Variants in SPRTN observed in about 807,000 individuals in gnomAD.
SPRTN encodes DNA-dependent metalloprotease SPRTN.
SPRTN carries 11 observed loss-of-function variants against 31.9 expected under a neutral mutation model. That is an observed-to-expected ratio of 0.34 (90% CI 0.22 to 0.57). The LOEUF is 0.57. Among genes scored for constraint, SPRTN ranks in the 20% least tolerant of loss-of-function variants. The pLI is 0.86. For missense variants in SPRTN, 482 were observed against 590.1 expected, an observed-to-expected ratio of 0.82 and a Z score of 1.90; for synonymous variants, 185 against 212.1, an observed-to-expected ratio of 0.87 and a Z score of 1.11.
Position 231,351,312 on chromosome 1 carries a change from T to C in SPRTN, c.459T>C (p.His153=), listed in dbSNP as rs371868053. 59 of 1,595,730 alleles carry C rather than the reference T, an allele frequency of 3.7e-5. No homozygotes were observed. The highest frequency in any genetic ancestry group is 5.0e-5 in the Non-Finnish European group (58 of 1,168,946). The change falls in exon 4 of 5, where the codon CAT becomes CAC. Residue 153 remains histidine (H), a synonymous_variant. Coordinates refer to ENST00000295050, the MANE Select transcript of SPRTN (RefSeq NM_032018.7). ...ATTCTGTCTCCACTCAGGTATACCA[T>C]ACTTTTCACGATGAGGTGGATGAGT... ...SLTGANITVY[H]TFHDEVDEYR... is the part of the protein sequence containing the mutation.
intron 2 of SPRTN, among the ~76,000 whole-genome samples, chr1:231,341,430 C>T (rs771604284): frequency 1.3e-5 from 2 of 151,700 alleles, no homozygotes; most frequent in Non-Finnish European, 2.9e-5. Context: ...GTGAGCATTT[C>T]CTTAGAACTT....
At chr1:231,349,251 T>C (rs1687151283) in intron 3 of SPRTN, among the ~76,000 whole-genome samples, 1 of 152,190 alleles carries the variant, frequency 6.6e-6, no homozygotes, top group East Asian at 1.9e-4. Flanking sequence ...GTGGTGGGAT[T>C]ATAGACATGA....
Position 231,347,800 on chromosome 1 carries a change from C to T in SPRTN, c.325C>T (p.Leu109Phe), listed in dbSNP as rs1687105925. Residue 109 changes from leucine (L) to phenylalanine (F), a missense_variant, in exon 3 of 5, where the codon CTC becomes TTC. Leu to Phe is a conservative substitution (Grantham distance 22). Around this residue, in one of 2 missense-constraint regions of SPRTN, gnomAD observed 157 missense variants for 239.9 expected, o/e 0.65. Coordinates refer to ENST00000295050, the MANE Select transcript of SPRTN (RefSeq NM_032018.7). ...ATTTGAATATTTTATGTTCCAGACC[C>T]TCCTGCATGAAATGATACATGCCTA... Reference protein sequence around the residue: ...LRPRKDLVETLLHEMIHAYLF... With the variant: ...LRPRKDLVETFLHEMIHAYLF... 1.2e-6 allele frequency: 2 copies of T among 1,610,042 alleles called. No individual in the cohort carries two copies. Among genetic ancestry groups the T allele is most frequent in the Non-Finnish European group, 1.7e-6 (2 of 1,179,058 alleles).
chr1:231,348,158 A>G (rs1054481530), intron 3 of SPRTN, among the ~76,000 whole-genome samples: 4 of 152,204 alleles, frequency 2.6e-5, no homozygotes, highest in Non-Finnish European at 5.9e-5. Context: ...TTTTACACAC[A>G]GGTAATTCAG....
chr1:231,352,937 C>G lies in SPRTN; in HGVS notation c.1046C>G (p.Ser349Cys). The G allele has an allele frequency of 6.2e-7, 1 of 1,614,138 alleles. No individual in the cohort carries two copies. The highest frequency in any genetic ancestry group is 8.5e-7 in the Non-Finnish European group (1 of 1,180,006). ...NQKAFRGVNG[S>C]PRISVTVGNI... ...AAGGCTTTCAGAGGTGTGAATGGAT[C>G]TCCAAGGATAAGTGTAACAGTTGGC... is the stretch of plus-strand genomic sequence containing the variant. Residue 349 changes from serine to cysteine, a missense_variant, in exon 5 of 5, where the codon TCT becomes TGT. Physicochemically the swap from Ser to Cys is moderately radical, Grantham distance 112. Transcript: ENST00000295050.
Position 231,338,420 on chromosome 1 carries a change from G to A in SPRTN, c.37G>A (p.Glu13Lys), listed in dbSNP as rs1368261797. The change falls in exon 1 of 5, where the codon GAG becomes AAG. Residue 13 changes from glutamate (E) to lysine (K), a missense_variant. Glu to Lys is a moderately conservative substitution (Grantham distance 56). Transcript: ENST00000295050. ...CTTGATGTTGGCACTGCGGCTTCAGGAGGAGTGGAACTTGCAGGAGGCGGA... is the reference window on the plus strand; with the variant it reads ...CTTGATGTTGGCACTGCGGCTTCAGAAGGAGTGGAACTTGCAGGAGGCGGA... ...DDLMLALRLQ[E>K]EWNLQEAERD... The A allele has an allele frequency of 6.2e-7, 1 of 1,614,288 alleles. No homozygotes were observed. Among genetic ancestry groups the A allele is most frequent in the African/African-American group, 1.3e-5 (1 of 75,084 alleles).
intron 3 of SPRTN, among the ~76,000 whole-genome samples, chr1:231,349,149 AT>A (rs34960006): frequency 8.9e-5 from 13 of 146,544 alleles, no homozygotes; most frequent in Middle Eastern, 3.5e-3. Flanking sequence ...TTAAAAAAAA[AT>A]TTTTTTTTTT....
At chr1:231,351,796 G>T in intron 4 of SPRTN, 10 of 1,161,056 alleles carry the variant, frequency 8.6e-6, no homozygotes, top group Non-Finnish European at 1.1e-5. Flanking sequence ...AGTTTCCATG[G>T]ATATTTTTAT....
At chr1:231,339,468 T>A in intron 1 of SPRTN, 1 of 604,958 alleles carries the variant, frequency 1.7e-6, no homozygotes, top group Non-Finnish European at 3.1e-6. Flanking sequence ...AGGTCCCCGT[T>A]GTACACCAGG....
intron 3 of SPRTN, among the ~76,000 whole-genome samples, chr1:231,351,074 C>T (rs1188144505): frequency 6.6e-6 from 1 of 151,860 alleles, no homozygotes; most frequent in Non-Finnish European, 1.5e-5. Context: ...GTGCATCTAT[C>T]TTTACACAGT....
Position 231,353,121 on chromosome 1 carries a change from G to GCTA in SPRTN, c.1231_1233dup (p.Leu411dup). 1 of 1,613,222 alleles carries GCTA rather than the reference G, an allele frequency of 6.2e-7. No homozygotes were observed. The highest frequency in any genetic ancestry group is 8.5e-7 in the Non-Finnish European group (1 of 1,179,750). On this transcript the variant is annotated inframe_insertion, in exon 5 of 5. Transcript: ENST00000295050. ...ATACATTCCCAAATAAACGACCTAGGCTAGAAGATAAGACTGTTTTTGACA... is the reference window on the plus strand; with the variant it reads ...ATACATTCCCAAATAAACGACCTAGGCTACTAGAAGATAAGACTGTTTTTGACA...
chr1:231,340,195 T>TA, intron 2 of SPRTN: 2 of 173,526 alleles, frequency 1.2e-5, no homozygotes, highest in Non-Finnish European at 2.4e-5. Flanking sequence ...ACCCCGTCTC[T>TA]ACAAAAAAAA....
At chr1:231,351,205 T>TAAAAAAAAAA (rs35814914) in intron 3 of SPRTN, 99 bp from the exon 4 acceptor site, 4 of 858,234 alleles carry the variant, frequency 4.7e-6, no homozygotes, top group African/African-American at 2.3e-5. Flanking sequence ...TTTCAAAAAT[T>TAAAAAAAAAA]AAAAAAAAAA....
At chr1:231,338,742 A>C in intron 1 of SPRTN, 138 bp downstream of exon 1, 1 of 917,492 alleles carries the variant, frequency 1.1e-6, no homozygotes, top group Non-Finnish European at 1.6e-6. Context: ...TGGACCTGGC[A>C]ATTCCTGCCT....
chr1:231,342,053 C>T (rs1686911249), intron 2 of SPRTN, among the ~76,000 whole-genome samples: 1 of 152,084 alleles, frequency 6.6e-6, no homozygotes, highest in African/African-American at 2.4e-5. Context: ...GCTGGGATTA[C>T]AGGTGTCAGC....
intron 4 of SPRTN, chr1:231,352,362 T>C (rs1356041534): frequency 8.5e-7 from 1 of 1,174,494 alleles, no homozygotes; most frequent in Non-Finnish European, 1.1e-6. Context: ...TTGTTGTTGG[T>C]CTTTGGCATG....
At chr1:231,339,915 C>G in intron 2 of SPRTN, 47 bp downstream of exon 2, 1 of 1,551,486 alleles carries the variant, frequency 6.4e-7, no homozygotes, top group South Asian at 1.1e-5. Context: ...TTTACAAATA[C>G]TTGTCAATGA....
At chr1:231,339,914 A>G (rs1442923145) in intron 2 of SPRTN, 46 bp downstream of exon 2, 3 of 1,563,906 alleles carry the variant, frequency 1.9e-6, no homozygotes, top group Non-Finnish European at 2.6e-6. Flanking sequence ...ATTTACAAAT[A>G]CTTGTCAATG....
In SPRTN at chr1:231,349,838, T is replaced by G. The variant is rs559809281; in HGVS notation, c.451-1466T>G. 1.0e-3 allele frequency among the ~76,000 whole-genome samples: 158 copies of G among 152,146 alleles called. 1 individual carries two copies. The highest frequency in any genetic ancestry group is 2.0e-3 in the Admixed American group (31 of 15,286). ...CAGCCTGGGCAATTTAGTGAGACCT[T>G]GTTTCCACAAAAAAAATTCAAAAAT... On this transcript the variant is annotated intron_variant, in intron 3 of 4. Transcript: ENST00000295050.
Sources: allele counts gnomAD v4.1 joint callset (sites outside exome capture counted in the v4.1 genomes callset), GRCh38; gene constraint gnomAD v4.1.1; regional missense constraint gnomAD v4.1.1; transcripts MANE v1.5; gene names NCBI Gene and HGNC (gene_info 2026-07-23, HGNC 2026-07-21).